Variants in TRIB1 observed in about 807,000 individuals in gnomAD.
TRIB1 encodes the protein tribbles homolog 1.
In TRIB1, 12 loss-of-function variants were observed where a neutral mutation model predicts 27.8. The ratio of observed to expected loss-of-function variants is 0.43; its 90% CI spans 0.28 to 0.70. The LOEUF (loss-of-function observed/expected upper bound fraction) is 0.70, where lower values mean the gene tolerates loss of function less well. TRIB1 is among the 30% of genes least tolerant of loss of function. The pLI is 0.18. For missense variants in TRIB1, 475 were observed against 515.8 expected, an observed-to-expected ratio of 0.92 and a Z score of 0.77; for synonymous variants, 230 against 224.9, an observed-to-expected ratio of 1.02 and a Z score of -0.20.
intron 1 of TRIB1, among the ~76,000 whole-genome samples, chr8:125,431,481 G>A (rs997800376): frequency 6.6e-6 from 1 of 152,268 alleles, no homozygotes; most frequent in Non-Finnish European, 1.5e-5. Flanking sequence ...GCAGTGTTCA[G>A]TGGCTTTCTC....
chr8:125,433,638 GC>G lies in TRIB1; in HGVS notation c.653+31del. The G allele has an allele frequency of 1.9e-6, 3 of 1,592,536 alleles. No homozygotes were observed. Among genetic ancestry groups the G allele is most frequent in the African/African-American group, 1.3e-5 (1 of 74,494 alleles). On this transcript the variant is annotated intron_variant, in intron 2 of 2. Coordinates refer to ENST00000311922, the MANE Select transcript of TRIB1 (RefSeq NM_025195.4). This position sits in a 1 kb window ranked among gnomAD's most constrained non-coding sequence, Gnocchi z 4.4. ...AGCGGCCGCCACAGCTTCTCCTGTG[GC>G]CTTTTGGAACCAAAGCGGAGGTGCA...
At position 125,433,639 on chromosome 8, in the gene TRIB1, C is replaced by A; in HGVS notation, c.653+30C>A. ...GCGGCCGCCACAGCTTCTCCTGTGG[C>A]CTTTTGGAACCAAAGCGGAGGTGCA... On this transcript the variant is annotated intron_variant, in intron 2 of 2. Coordinates refer to ENST00000311922, the MANE Select transcript of TRIB1 (RefSeq NM_025195.4). This position sits in a 1 kb window ranked among gnomAD's most constrained non-coding sequence, Gnocchi z 4.4. The A allele has an allele frequency of 6.3e-7, 1 of 1,591,178 alleles. No homozygotes were observed. Among genetic ancestry groups the A allele is most frequent in the Non-Finnish European group, 8.6e-7 (1 of 1,164,910 alleles).
Position 125,436,393 on chromosome 8 carries a change from C to A in TRIB1, c.1041C>A (p.Ile347=). 1.9e-6 allele frequency: 3 copies of A among 1,613,884 alleles called. No individual in the cohort carries two copies. Among genetic ancestry groups the A allele is most frequent in the Middle Eastern group, 1.6e-4 (1 of 6,062 alleles). ...WFESVLEPGY[I]DSEIGTSDQI... ...AGTCCGTCTTGGAACCCGGGTACAT[C>A]GACTCAGAAATAGGAACTTCAGACC... The change falls in exon 3 of 3, where the codon ATC becomes ATA. Residue 347 remains isoleucine, a synonymous_variant. Transcript: ENST00000311922.
chr8:125,434,716 G>T (rs1317518560), intron 2 of TRIB1, among the ~76,000 whole-genome samples: 2 of 152,212 alleles, frequency 1.3e-5, no homozygotes, highest in African/African-American at 4.8e-5. Context: ...CAACCCGGGG[G>T]TTAAGCAATG....
intron 1 of TRIB1, chr8:125,432,327 A>G (rs1208678972): frequency 9.4e-6 from 2 of 211,840 alleles, no homozygotes; most frequent in South Asian, 1.9e-4. Context: ...ACAAGCATGT[A>G]TGTGTGTGTG....
At position 125,436,217 on chromosome 8, in the gene TRIB1, C is replaced by A; in HGVS notation, c.865C>A (p.Pro289Thr). 6.2e-7 allele frequency: 1 copy of A among 1,614,076 alleles called. No individual in the cohort carries two copies. The highest frequency in any genetic ancestry group is 1.3e-5 in the African/African-American group (1 of 74,984). ...VGRYPFHDSD[P>T]SALFSKIRRG... ...ACGATACCCCTTCCATGACTCAGAC[C>A]CCAGTGCCCTTTTCTCCAAAATTCG... is the stretch of plus-strand genomic sequence containing the variant. The change falls in exon 3 of 3, where the codon CCC (proline) becomes ACC (threonine). Residue 289 changes from proline to threonine, a missense_variant. Coordinates refer to ENST00000311922, the MANE Select transcript of TRIB1 (RefSeq NM_025195.4).
At chr8:125,432,161 C>T (rs1294977204) in intron 1 of TRIB1, 2 of 806,442 alleles carry the variant, frequency 2.5e-6, no homozygotes, top group African/African-American at 1.8e-5. Flanking sequence ...CGCAACTCAC[C>T]TGACACTCCC....
chr8:125,431,653 G>T (rs907977225), intron 1 of TRIB1, among the ~76,000 whole-genome samples: 1 of 152,172 alleles, frequency 6.6e-6, no homozygotes, highest in Admixed American at 6.5e-5. Context: ...TTTAGTGGGT[G>T]CCTCCTAGGA....
intron 2 of TRIB1, among the ~76,000 whole-genome samples, chr8:125,435,689 A>G (rs1012442679): frequency 2.0e-5 from 3 of 152,238 alleles, no homozygotes; most frequent in Non-Finnish European, 4.4e-5. Context: ...CAGTTCTGCA[A>G]TGGGAACTTA....
rs1814769175 is a variant in TRIB1 at position 125,437,168 on chromosome 8, C to T, written c.*697C>T. On this transcript the variant is annotated 3_prime_UTR_variant, in exon 3 of 3. Coordinates refer to ENST00000311922, the MANE Select transcript of TRIB1 (RefSeq NM_025195.4). ...GCTATAAAAGCACTTACCAGCCGAA[C>T]GTGGAACAGTATCACAAAAGATTCC... 2.0e-5 allele frequency: 3 copies of T among 152,394 alleles called. No homozygotes were observed. Among genetic ancestry groups the T allele is most frequent in the South Asian group, 4.1e-4 (2 of 4,828 alleles). 9.4% of individuals were successfully genotyped at this position (152,394 alleles called of 1,614,324 possible). A position where few individuals can be genotyped will look rare whatever the true frequency, so the allele number is the denominator to read the frequency against.
In TRIB1 at chr8:125,433,405, T is replaced by C; in HGVS notation, c.449T>C (p.Ile150Thr). Residue 150 changes from isoleucine (I) to threonine (T), a missense_variant, in exon 2 of 3, where the codon ATC becomes ACC. Transcript: ENST00000311922. This position sits in a 1 kb window ranked among gnomAD's most constrained non-coding sequence, Gnocchi z 4.4. The stretch of plus-strand genomic sequence containing the variant: ...AACATTACTGGCATTGTGGAAGTGA[T>C]CCTTGGGGAAACCAAGGCCTATGTC... The part of the protein sequence containing the change: ...HSNITGIVEV[I>T]LGETKAYVFF... The C allele has an allele frequency of 6.2e-7, 1 of 1,614,212 alleles. No individual in the cohort carries two copies. The highest frequency in any genetic ancestry group is 8.5e-7 in the Non-Finnish European group (1 of 1,180,028).
At position 125,430,387 on chromosome 8, in the gene TRIB1, G is replaced by C. The variant is rs1211978197; in HGVS notation, c.-516G>C. On this transcript the variant is annotated 5_prime_UTR_variant, in exon 1 of 3. Transcript: ENST00000311922. Reference sequence around the variant, plus strand: ...TCACTCACAGTCACTCTCTCTGAGCGCGTCTCGCTCGCTCTCATACACGCC... The same window carrying C: ...TCACTCACAGTCACTCTCTCTGAGCCCGTCTCGCTCGCTCTCATACACGCC... 6.5e-6 allele frequency: 1 copy of C among 153,410 alleles called. No homozygotes were observed. The highest frequency in any genetic ancestry group is 1.5e-5 in the Non-Finnish European group (1 of 68,644). 9.5% of individuals were successfully genotyped at this position (153,410 alleles called of 1,614,324 possible). A position where few individuals can be genotyped will look rare whatever the true frequency, so the allele number is the denominator to read the frequency against.
In TRIB1 at chr8:125,436,344, A is replaced by C. The variant is rs1184690907; in HGVS notation, c.992A>C (p.Glu331Ala). ...CCCTCCGAGAGACTCACTGCCCCCG[A>C]GATCCTACTGCACCCCTGGTTTGAG... ...REPSERLTAP[E>A]ILLHPWFESV... The change falls in exon 3 of 3, where the codon GAG becomes GCG. Residue 331 changes from glutamate (E) to alanine (A), a missense_variant. Transcript: ENST00000311922. 10 of 1,613,734 alleles carry C rather than the reference A, an allele frequency of 6.2e-6. No homozygotes were observed. Among genetic ancestry groups the C allele is most frequent in the Non-Finnish European group, 8.5e-6 (10 of 1,179,954 alleles).
rs1196765699 is a variant in TRIB1, at chr8:125,430,377, C to G, written c.-526C>G. The G allele has an allele frequency of 1.3e-5, 2 of 152,690 alleles. No individual in the cohort carries two copies. The highest frequency in any genetic ancestry group is 2.9e-5 in the Non-Finnish European group (2 of 68,578). The allele number at this position is 152,690 out of a possible 1,614,324, so 9.5% of individuals were successfully genotyped here. A position where few individuals can be genotyped will look rare whatever the true frequency, so the allele number is the denominator to read the frequency against. On this transcript the variant is annotated 5_prime_UTR_variant, in exon 1 of 3. Transcript: ENST00000311922. ...GCGCTCACACTCACTCACAGTCACT[C>G]TCTCTGAGCGCGTCTCGCTCGCTCT...
rs764221373 is a variant in TRIB1, at chr8:125,433,288, C to T, written c.361-29C>T. ...GGAGGCTGCCTTTGCTTTTCTAGCC[C>T]CCTAAACGGGCCCCCCTTCTCTCTA... On this transcript the variant is annotated intron_variant, in intron 1 of 2. Coordinates refer to ENST00000311922, the MANE Select transcript of TRIB1 (RefSeq NM_025195.4). The surrounding 1 kb of genome is among the most constrained non-coding windows in gnomAD (Gnocchi z 4.4). The T allele has an allele frequency of 7.5e-6, 12 of 1,599,232 alleles. No homozygotes were observed. The highest frequency in any genetic ancestry group is 1.1e-5 in the South Asian group (1 of 90,478).
chr8:125,436,472 T>C lies in TRIB1; in HGVS notation c.*1T>C. ...TGACATTAGTTCCTTCTTCTGCTAATCCCCAAAACCTCAGAAACCTCATAA... is the reference window on the plus strand; with the variant it reads ...TGACATTAGTTCCTTCTTCTGCTAACCCCCAAAACCTCAGAAACCTCATAA... On this transcript the variant is annotated 3_prime_UTR_variant, in exon 3 of 3. Coordinates refer to ENST00000311922, the MANE Select transcript of TRIB1 (RefSeq NM_025195.4). 5 of 1,612,528 alleles carry C rather than the reference T, an allele frequency of 3.1e-6. No homozygotes were observed. The highest frequency in any genetic ancestry group is 4.5e-5 in the East Asian group (2 of 44,860).
At position 125,435,999 on chromosome 8, in the gene TRIB1, CTT is replaced by C. The variant is rs1365694447; in HGVS notation, c.654-6_654-5del. 2 of 1,608,850 alleles carry C rather than the reference CTT, an allele frequency of 1.2e-6. No homozygotes were observed. Among genetic ancestry groups the C allele is most frequent in the Non-Finnish European group, 1.7e-6 (2 of 1,177,124 alleles). The stretch of plus-strand genomic sequence containing the variant: ...GGAAATAATGGCTTGGTTCCTCTCT[CTT>C]GCAGAACCCAGCTTAGACTAGAAAG... On this transcript the variant is annotated splice_polypyrimidine_tract_variant and splice_region_variant and intron_variant, in intron 2 of 2. Transcript: ENST00000311922.
At chr8:125,434,209 A>G (rs957580927) in intron 2 of TRIB1, among the ~76,000 whole-genome samples, 1 of 152,200 alleles carries the variant, frequency 6.6e-6, no homozygotes, top group South Asian at 2.1e-4. Context: ...CTAAATATAG[A>G]TCATAGCTTA....
In TRIB1 at chr8:125,433,695, C is replaced by G; in HGVS notation, c.653+86C>G. On this transcript the variant is annotated intron_variant, in intron 2 of 2. Coordinates refer to ENST00000311922, the MANE Select transcript of TRIB1 (RefSeq NM_025195.4). The surrounding 1 kb of genome is among the most constrained non-coding windows in gnomAD (Gnocchi z 4.4). ...TGTAGTTAGGTGCTGTGTGTTGGTG[C>G]AAAACAAAGTCAAGGGCTCATATGT... The G allele has an allele frequency of 6.8e-7, 1 of 1,471,786 alleles. No homozygotes were observed. The highest frequency in any genetic ancestry group is 1.3e-5 in the South Asian group (1 of 77,994). 91.2% of individuals were successfully genotyped at this position (1,471,786 alleles called of 1,614,324 possible).
Sources: allele counts gnomAD v4.1 joint callset (sites outside exome capture counted in the v4.1 genomes callset), GRCh38; gene constraint gnomAD v4.1.1; non-coding constraint Gnocchi (gnomAD v3.1); transcripts MANE v1.5; gene names NCBI Gene and HGNC (gene_info 2026-07-23, HGNC 2026-07-21).